Variants in C3orf20 observed in about 807,000 individuals in gnomAD.
The protein encoded by C3orf20 is uncharacterized protein C3orf20.
C3orf20 carries 76 observed loss-of-function variants against 88.3 expected under a neutral mutation model. That is an observed-to-expected ratio of 0.86 (90% CI 0.72 to 1.04). The LOEUF (loss-of-function observed/expected upper bound fraction) is 1.04, where lower values mean the gene tolerates loss of function less well. Among genes scored for constraint, C3orf20 ranks in the 50% least tolerant of loss-of-function variants. C3orf20 has a pLI of 0.00. For missense variants in C3orf20, 1,056 were observed against 1,123.3 expected (o/e 0.94, Z 0.86); for synonymous variants, 436 against 437.4 (o/e 1.00, Z 0.04).
At chr3:14,746,014 A>G (rs2035047908) in intron 12 of C3orf20, among the ~76,000 whole-genome samples, 1 of 152,190 alleles carries the variant, frequency 6.6e-6, no homozygotes, top group Non-Finnish European at 1.5e-5. Context: ...TTCCCTAGAA[A>G]CTACTAATCT....
At chr3:14,756,591 CA>C (rs2035379666) in intron 12 of C3orf20, among the ~76,000 whole-genome samples, 1 of 148,732 alleles carries the variant, frequency 6.7e-6, no homozygotes, top group Non-Finnish European at 1.5e-5. Flanking sequence ...CAGAAAATCT[CA>C]TTAAGAAGGT....
chr3:14,757,292 G>C, intron 12 of C3orf20, 79 bp from the exon 13 acceptor site: 3 of 1,290,256 alleles, frequency 2.3e-6, no homozygotes, highest in Non-Finnish European at 3.2e-6. Context: ...CCTTTGACCA[G>C]CAGGAGCCAG....
chr3:14,696,499 T>C lies in C3orf20; in HGVS notation c.745+6383T>C, dbSNP rs538248398. Among the ~76,000 whole-genome samples the C allele has an allele frequency of 5.7e-3, 868 of 151,900 alleles. 2 individuals are homozygous for C. Among genetic ancestry groups the C allele is most frequent in the African/African-American group, 0.02 (816 of 41,420 alleles). ...TCTTTCTACTGAGTTCAAGCAAGCC[T>C]CCTGCCTCAGCCTCCCAAGTAGCTG... On this transcript the variant is annotated intron_variant, in intron 5 of 16. Transcript: ENST00000253697.
intron 12 of C3orf20, among the ~76,000 whole-genome samples, chr3:14,749,772 G>A (rs2035167157): frequency 6.8e-6 from 1 of 147,936 alleles, no homozygotes; most frequent in African/African-American, 2.5e-5. Flanking sequence ...TTTCTTTGTG[G>A]TTACCGTGGT....
In C3orf20 at chr3:14,749,481, G is replaced by T. The variant is rs551199990; in HGVS notation, c.1941-7890G>T. Among the ~76,000 whole-genome samples the T allele has an allele frequency of 2.2e-4, 33 of 152,274 alleles. 1 individual carries two copies. The South Asian group carries it at 6.8e-3, about 32-fold the overall frequency. On this transcript the variant is annotated intron_variant, in intron 12 of 16. Coordinates refer to ENST00000253697, the MANE Select transcript of C3orf20 (RefSeq NM_032137.5). ...CATGCTACTGCATGCAGCTTTAGTT[G>T]CATGTTTGAATCTAAAATGCATCTC... is the stretch of plus-strand genomic sequence containing the variant.
intron 13 of C3orf20, among the ~76,000 whole-genome samples, chr3:14,757,960 C>A (rs1282896508): frequency 6.6e-6 from 1 of 152,350 alleles, no homozygotes; most frequent in East Asian, 1.9e-4. Flanking sequence ...ACTGTCCTTT[C>A]CTTCCAGTTT....
chr3:14,764,597 G>A (rs2125042103), intron 15 of C3orf20, among the ~76,000 whole-genome samples: 1 of 152,126 alleles, frequency 6.6e-6, no homozygotes, highest in South Asian at 2.1e-4. Flanking sequence ...TTTGGCAGGA[G>A]TGAGAAGGTC....
chr3:14,689,849 T>G (rs2032627490), intron 4 of C3orf20, 148 bp from the exon 5 acceptor site: 1 of 1,036,456 alleles, frequency 9.6e-7, no homozygotes, highest in Non-Finnish European at 1.4e-6. Flanking sequence ...CAAAATCTTC[T>G]TCCAAGATCT....
intron 1 of C3orf20, among the ~76,000 whole-genome samples, chr3:14,681,425 C>G (rs1043111012): frequency 3.3e-5 from 5 of 152,242 alleles, no homozygotes; most frequent in Non-Finnish European, 7.3e-5. Flanking sequence ...GACAGCTGCA[C>G]TCACTCACAA....
intron 5 of C3orf20, among the ~76,000 whole-genome samples, chr3:14,696,371 CATTATTATTATTATT>C (rs141837445): frequency 2.8e-5 from 4 of 142,044 alleles, no homozygotes; most frequent in African/African-American, 7.7e-5. Flanking sequence ...GTTGTGCTAT[CATTATTATTATTATT>C]ATTATTATTA....
chr3:14,722,571 G>A (rs2034202722), intron 10 of C3orf20: 1 of 456,582 alleles, frequency 2.2e-6, no homozygotes, highest in Non-Finnish European at 4.4e-6. Context: ...ATCCCAGGTA[G>A]AGTCAGTCTC....
At chr3:14,720,006 T>TTTTTGTTTTG (rs148543311) in intron 9 of C3orf20, among the ~76,000 whole-genome samples, 5 of 151,090 alleles carry the variant, frequency 3.3e-5, no homozygotes, top group Admixed American at 6.6e-5. Flanking sequence ...TTTTTTTGTT[T>TTTTTGTTTTG]TTTTGTTTTG....
At chr3:14,715,687 A>G (rs1473362520) in intron 9 of C3orf20, among the ~76,000 whole-genome samples, 1 of 152,210 alleles carries the variant, frequency 6.6e-6, no homozygotes, top group Non-Finnish European at 1.5e-5. Flanking sequence ...TATTAATATT[A>G]TTCTGTTTTT....
intron 15 of C3orf20, among the ~76,000 whole-genome samples, chr3:14,766,639 G>A (rs940102092): frequency 3.3e-5 from 5 of 152,234 alleles, no homozygotes; most frequent in Non-Finnish European, 5.9e-5. Flanking sequence ...CAGAGGTGCT[G>A]CCCGGCTGCA....
At chr3:14,695,509 T>C (rs2032954416) in intron 5 of C3orf20, among the ~76,000 whole-genome samples, 1 of 152,182 alleles carries the variant, frequency 6.6e-6, no homozygotes, top group Non-Finnish European at 1.5e-5. Context: ...TTAGGCCCAT[T>C]TGGTCTATAG....
At chr3:14,695,990 A>G (rs1290644482) in intron 5 of C3orf20, among the ~76,000 whole-genome samples, 3 of 152,074 alleles carry the variant, frequency 2.0e-5, no homozygotes, top group Non-Finnish European at 4.4e-5. Flanking sequence ...CATTATTAAT[A>G]AGTAAGGACT....
At chr3:14,752,350 TAAAC>T (rs2035243774) in intron 12 of C3orf20, among the ~76,000 whole-genome samples, 1 of 152,184 alleles carries the variant, frequency 6.6e-6, no homozygotes, top group Non-Finnish European at 1.5e-5. Flanking sequence ...ATTAAAGACT[TAAAC>T]GTAAGACCTA....
intron 15 of C3orf20, among the ~76,000 whole-genome samples, chr3:14,766,503 T>C (rs1364567144): frequency 6.6e-6 from 1 of 152,196 alleles, no homozygotes; most frequent in Non-Finnish European, 1.5e-5. Flanking sequence ...GTCTGCACCA[T>C]GTCCACCTGC....
chr3:14,682,664 G>A lies in C3orf20; in HGVS notation c.-50G>A, dbSNP rs201992025. ...GCCTTCACCGTAGGGAAGAACTTTT[G>A]CTCTCAGTCACCTCTCAGAGAGCTC... On this transcript the variant is annotated 5_prime_UTR_variant, in exon 3 of 17. Coordinates refer to ENST00000253697, the MANE Select transcript of C3orf20 (RefSeq NM_032137.5). The A allele has an allele frequency of 1.3e-6, 2 of 1,548,412 alleles. No individual in the cohort carries two copies. The highest frequency in any genetic ancestry group is 3.8e-5 in the Admixed American group (2 of 52,270).
Sources: allele counts gnomAD v4.1 joint callset (sites outside exome capture counted in the v4.1 genomes callset), GRCh38; gene constraint gnomAD v4.1.1; transcripts MANE v1.5; gene names NCBI Gene and HGNC (gene_info 2026-07-23, HGNC 2026-07-21).